Variants in DGKH observed in about 807,000 individuals in gnomAD.
DGKH encodes diacylglycerol kinase eta, also known as DAG kinase eta.
A neutral mutation model predicts 159.3 loss-of-function variants in DGKH; 90 were observed. The ratio of observed to expected loss-of-function variants is 0.57; its 90% CI spans 0.48 to 0.67. The LOEUF is 0.67. Ranked by LOEUF, DGKH falls within the 30% of genes least tolerant of loss-of-function variation. The pLI is 0.00. For synonymous variants in DGKH, 536 were observed against 553.8 expected (o/e 0.97, Z 0.45); for missense variants, 1,181 against 1,506.1 (o/e 0.78, Z 3.57).
Position 42,075,928 on chromosome 13 carries a change from T to C in DGKH, c.192+26963T>C, listed in dbSNP as rs116628475. 2.8e-3 allele frequency among the ~76,000 whole-genome samples: 432 copies of C among 152,326 alleles called. 2 individuals are homozygous for C. Among genetic ancestry groups the C allele is most frequent in the African/African-American group, 0.01 (420 of 41,566 alleles). ...AGGCACCAAATCTCCAGAACAGTCT[T>C]AAACAATGTTATAATACCATAAGCT... On this transcript the variant is annotated intron_variant, in intron 1 of 29. Coordinates refer to ENST00000337343, the MANE Select transcript of DGKH (RefSeq NM_178009.5).
intron 1 of DGKH, among the ~76,000 whole-genome samples, chr13:42,114,430 A>T (rs1007016038): frequency 3.6e-5 from 5 of 140,266 alleles, no homozygotes; most frequent in African/African-American, 1.4e-4. Context: ...ATCATTACTA[A>T]GAGCTATTAT....
intron 1 of DGKH, among the ~76,000 whole-genome samples, chr13:42,040,619 C>T (rs1182317632): frequency 6.6e-6 from 1 of 150,554 alleles, no homozygotes; most frequent in African/African-American, 2.4e-5. Context: ...GAGCGGACCG[C>T]TCGGAGCCGC....
At chr13:42,120,164 A>C (rs1299602182) in intron 1 of DGKH, among the ~76,000 whole-genome samples, 1 of 152,240 alleles carries the variant, frequency 6.6e-6, no homozygotes, top group Non-Finnish European at 1.5e-5. Flanking sequence ...TTCCTAGTCT[A>C]AAGTGAAAAT....
At chr13:42,211,294 G>A (rs75816648) in intron 24 of DGKH, among the ~76,000 whole-genome samples, 1 of 152,182 alleles carries the variant, frequency 6.6e-6, no homozygotes, top group African/African-American at 2.4e-5. Context: ...TTTCAATAGG[G>A]TGTGTGAAGA....
intron 20 of DGKH, among the ~76,000 whole-genome samples, chr13:42,204,044 T>C (rs1212913755): frequency 6.6e-6 from 1 of 152,200 alleles, no homozygotes; most frequent in African/African-American, 2.4e-5. Flanking sequence ...TTGCTTAATA[T>C]ATATATATTC....
chr13:42,139,708 C>T (rs534193135), intron 3 of DGKH, among the ~76,000 whole-genome samples: 60 of 152,142 alleles, frequency 3.9e-4, no homozygotes, highest in African/African-American at 1.3e-3. Flanking sequence ...AAATATTTAT[C>T]GAAGAGTTCA....
At chr13:42,162,951 T>A (rs951941490) in intron 7 of DGKH, among the ~76,000 whole-genome samples, 4 of 151,686 alleles carry the variant, frequency 2.6e-5, no homozygotes, top group African/African-American at 7.3e-5. Context: ...CATGCTAGTG[T>A]GCTGCACCCA....
chr13:42,129,469 A>C (rs1955243047), intron 2 of DGKH, 83 bp from the exon 3 acceptor site: 2 of 1,157,298 alleles, frequency 1.7e-6, no homozygotes, highest in African/African-American at 3.1e-5. Context: ...TTCTATTCCT[A>C]ATTCCTGTAT....
At position 42,253,984 on chromosome 13, in the gene DGKH, G is replaced by A. The variant is rs565970520; in HGVS notation, n.4127+1503G>A. On this transcript the variant is annotated intron_variant and non_coding_transcript_variant, in intron 30 of 30. Transcript: ENST00000498255. ...CACATAGGCAGCCTCAAAATTGGGA[G>A]TGGGTTACCAAAAAAAAAAAAAAAA... 1.4e-4 allele frequency among the ~76,000 whole-genome samples: 20 copies of A among 147,112 alleles called. No individual in the cohort carries two copies. In the East Asian group the frequency reaches 1.4e-3, roughly 10 times the overall value.
At chr13:42,144,705 A>T (rs1328934958) in intron 3 of DGKH, among the ~76,000 whole-genome samples, 1 of 151,884 alleles carries the variant, frequency 6.6e-6, no homozygotes, top group Non-Finnish European at 1.5e-5. Context: ...AGAAAGAAAG[A>T]AAAGAAAGGG....
intron 1 of DGKH, among the ~76,000 whole-genome samples, chr13:42,122,661 G>A (rs780044243): frequency 1.6e-4 from 25 of 152,084 alleles, no homozygotes; most frequent in Non-Finnish European, 3.1e-4. Flanking sequence ...AGTTTCAGAG[G>A]GGACATCAAA....
At chr13:42,086,255 T>C (rs1225814805) in intron 1 of DGKH, among the ~76,000 whole-genome samples, 1 of 152,158 alleles carries the variant, frequency 6.6e-6, no homozygotes, top group Non-Finnish European at 1.5e-5. Context: ...AAAACAGGGA[T>C]CTTTCACTCA....
intron 1 of DGKH, chr13:42,069,603 C>T: frequency 6.7e-7 from 1 of 1,483,938 alleles, no homozygotes; most frequent in Non-Finnish European, 9.2e-7. Context: ...CCAATCCATT[C>T]CTTTCACATT....
intron 16 of DGKH, among the ~76,000 whole-genome samples, chr13:42,193,836 A>G (rs1361744771): frequency 1.3e-5 from 2 of 152,170 alleles, no homozygotes; most frequent in Non-Finnish European, 2.9e-5. Flanking sequence ...GAAGATAATT[A>G]AGTTTTAGAG....
In DGKH at chr13:42,190,498, G is replaced by T. The variant is rs760403079; in HGVS notation, c.2008G>T (p.Asp670Tyr). The T allele has an allele frequency of 6.2e-7, 1 of 1,604,032 alleles. No homozygotes were observed. The highest frequency in any genetic ancestry group is 1.7e-5 in the Admixed American group (1 of 58,038). Residue 670 changes from aspartate (D) to tyrosine (Y), a missense_variant, in exon 16 of 30, where the codon GAT becomes TAT. Coordinates refer to ENST00000337343, the MANE Select transcript of DGKH (RefSeq NM_178009.5). ...ETDESKEEAK[D>Y]DGAKESITVK... The stretch of plus-strand genomic sequence containing the variant: ...AGATGAATCTAAGGAGGAAGCTAAA[G>T]ATGATGGTGCCAAAGAATCAATAAC...
rs76863869 is a variant in DGKH, at chr13:42,186,234, A to G, written c.1539-815A>G. Among the ~76,000 whole-genome samples the G allele has an allele frequency of 3.6e-3, 549 of 152,338 alleles. 8 individuals are homozygous for G. In the East Asian group the frequency reaches 0.048, roughly 13 times the overall value. ...AGAAAGCAATACTATGATTTAAAAA[A>G]TAGCCTGATTCTATCAGCATAAGCC... On this transcript the variant is annotated intron_variant, in intron 13 of 29. Transcript: ENST00000337343.
At chr13:42,133,528 T>C (rs1955335373) in intron 3 of DGKH, among the ~76,000 whole-genome samples, 1 of 151,804 alleles carries the variant, frequency 6.6e-6, no homozygotes, top group Admixed American at 6.6e-5. Context: ...ACCCCTTCTC[T>C]ACAAAAAAAA....
intron 25 of DGKH, among the ~76,000 whole-genome samples, 200 bp downstream of exon 25, chr13:42,214,812 C>T (rs1461886811): frequency 6.6e-6 from 1 of 152,128 alleles, no homozygotes; most frequent in South Asian, 2.1e-4. Context: ...TAAATTCTCT[C>T]ATTTTTTATG....
At chr13:42,076,179 C>T (rs4142111) in intron 1 of DGKH, among the ~76,000 whole-genome samples, 39,855 of 152,052 alleles carry the variant, frequency 0.26, 5,648 homozygotes, top group Admixed American at 0.36. Context: ...AAGACACCAA[C>T]TTAAGTTTTT....
Sources: gnomAD v4.1 joint callset for allele counts (sites outside exome capture counted in the v4.1 genomes callset) on GRCh38, gnomAD v4.1.1 for gene constraint, MANE v1.5 for transcripts, NCBI Gene and HGNC (gene_info 2026-07-23, HGNC 2026-07-21) for gene names.